MGMT: variants seen among roughly 807,000 people sequenced by gnomAD.
MGMT encodes the protein O-6-methylguanine-DNA methyltransferase.
Under a neutral mutation model 15.9 loss-of-function variants are expected in MGMT, and 14 were observed. The observed-to-expected ratio is 0.88, with a 90% CI of 0.58 to 1.37. MGMT has a LOEUF of 1.37. Ranked by LOEUF, MGMT falls within the 40% of genes most tolerant of loss-of-function variation. The pLI is 0.00. For missense variants in MGMT, 282 were observed against 268.1 expected (o/e 1.05, Z -0.36); for synonymous variants, 130 against 118.2 (o/e 1.10, Z -0.65).
chr10:129,642,210 T>TGGGCGGGC (rs545069643), intron 2 of MGMT, among the ~76,000 whole-genome samples: 1 of 150,724 alleles, frequency 6.6e-6, no homozygotes, highest in Non-Finnish European at 1.5e-5. Flanking sequence ...ACCCCGCACC[T>TGGGCGGGC]GGGCGGGCGG....
At chr10:129,475,570 C>T (rs1049403757) in intron 1 of MGMT, among the ~76,000 whole-genome samples, 22 of 152,306 alleles carry the variant, frequency 1.4e-4, no homozygotes, top group African/African-American at 5.3e-4. Flanking sequence ...CAGAAAAATT[C>T]GTTTCTGTCA....
At chr10:129,526,171 G>C (rs1197968813) in intron 1 of MGMT, among the ~76,000 whole-genome samples, 1 of 152,204 alleles carries the variant, frequency 6.6e-6, no homozygotes, top group East Asian at 1.9e-4. Context: ...ACACCACGTG[G>C]CCAGGTTTAT....
intron 2 of MGMT, among the ~76,000 whole-genome samples, chr10:129,576,284 C>G (rs1266818163): frequency 3.3e-5 from 5 of 152,132 alleles, no homozygotes; most frequent in Non-Finnish European, 5.9e-5. Context: ...CAAAAATCCT[C>G]AATAAAATAC....
At chr10:129,508,979 AATAAT>A (rs200346380) in intron 1 of MGMT, among the ~76,000 whole-genome samples, 4,791 of 152,296 alleles carry the variant, frequency 0.031, 116 homozygotes, top group South Asian at 0.066. Context: ...ATTTGAAAGA[AATAAT>A]AAAATGAAAT....
intron 1 of MGMT, among the ~76,000 whole-genome samples, chr10:129,514,423 A>G (rs557767627): frequency 1.3e-5 from 2 of 152,304 alleles, no homozygotes; most frequent in East Asian, 1.9e-4. Context: ...TTTTATGTAT[A>G]TCTTTCCCCG....
intron 2 of MGMT, among the ~76,000 whole-genome samples, chr10:129,638,693 C>G (rs550467422): frequency 3.1e-4 from 47 of 151,912 alleles, no homozygotes; most frequent in Non-Finnish European, 5.9e-4. Flanking sequence ...AATATGAGGG[C>G]TTGGCAAAAC....
At chr10:129,548,601 G>A (rs754334127) in intron 2 of MGMT, among the ~76,000 whole-genome samples, 29 of 152,206 alleles carry the variant, frequency 1.9e-4, no homozygotes, top group African/African-American at 1.7e-4. Flanking sequence ...TTTTGAGACC[G>A]TGACACCCTT....
chr10:129,596,146 T>G (rs1846749121), intron 2 of MGMT, among the ~76,000 whole-genome samples: 1 of 151,776 alleles, frequency 6.6e-6, no homozygotes, highest in Admixed American at 6.6e-5. Context: ...CTAATTAAAT[T>G]TTGACATTAT....
intron 1 of MGMT, among the ~76,000 whole-genome samples, chr10:129,531,487 AG>A (rs1270414218): frequency 6.6e-6 from 1 of 151,822 alleles, no homozygotes; most frequent in Non-Finnish European, 1.5e-5. Flanking sequence ...TTTAGTCTGC[AG>A]GCATCCCCCC....
intron 2 of MGMT, among the ~76,000 whole-genome samples, chr10:129,614,141 C>G (rs1042642556): frequency 1.3e-5 from 2 of 152,142 alleles, no homozygotes; most frequent in African/African-American, 4.8e-5. Flanking sequence ...TCTACTGTCT[C>G]TATGAGTCTG....
intron 1 of MGMT, among the ~76,000 whole-genome samples, chr10:129,510,392 T>C (rs1003578889): frequency 7.2e-5 from 11 of 152,082 alleles, no homozygotes; most frequent in Non-Finnish European, 1.3e-4. Flanking sequence ...TGGGAGCACG[T>C]TGAGGGCCTG....
intron 1 of MGMT, among the ~76,000 whole-genome samples, chr10:129,473,473 A>G (rs1031619905): frequency 2.2e-4 from 34 of 152,142 alleles, no homozygotes; most frequent in African/African-American, 8.0e-4. Flanking sequence ...GCATATGAGG[A>G]ACCCGGGCCT....
intron 2 of MGMT, among the ~76,000 whole-genome samples, chr10:129,583,059 T>A (rs1010385729): frequency 6.6e-6 from 1 of 152,176 alleles, no homozygotes; most frequent in African/African-American, 2.4e-5. Flanking sequence ...AAATCTTATA[T>A]CTTTCTGATA....
Position 129,769,343 on chromosome 10 carries a change from C to T in MGMT, c.*2346C>T, listed in dbSNP as rs952568494. ...GGGTCGCCTAGAGCCGCTCTGCCTC[C>T]AAGCTGCAGCGCCGTTCGTGAAAAT... On this transcript the variant is annotated 3_prime_UTR_variant, in exon 5 of 5. Coordinates refer to ENST00000651593, the MANE Select transcript of MGMT (RefSeq NM_002412.5). The T allele has an allele frequency of 6.6e-6, 1 of 152,242 alleles. No individual in the cohort carries two copies. The highest frequency in any genetic ancestry group is 2.4e-5 in the African/African-American group (1 of 41,460). The allele number at this position is 152,242 out of a possible 1,614,324, so 9.4% of individuals were successfully genotyped here.
At chr10:129,666,669 A>G (rs184476538) in intron 2 of MGMT, among the ~76,000 whole-genome samples, 1 of 152,272 alleles carries the variant, frequency 6.6e-6, no homozygotes, top group East Asian at 1.9e-4. Flanking sequence ...AACTTTCTCT[A>G]ATAATACCTG....
At chr10:129,681,754 T>A (rs1349480798) in intron 2 of MGMT, among the ~76,000 whole-genome samples, 1 of 152,166 alleles carries the variant, frequency 6.6e-6, no homozygotes, top group African/African-American at 2.4e-5. Flanking sequence ...GTAGGACTTG[T>A]GTAGGTGCAG....
chr10:129,722,998 T>A (rs964419946), intron 3 of MGMT, among the ~76,000 whole-genome samples: 12 of 97,912 alleles, frequency 1.2e-4, no homozygotes, highest in Non-Finnish European at 1.8e-5. Flanking sequence ...AGAGGAAGAC[T>A]CTATCACAAA....
At chr10:129,682,474 A>G (rs1373227567) in intron 2 of MGMT, among the ~76,000 whole-genome samples, 1 of 151,928 alleles carries the variant, frequency 6.6e-6, no homozygotes. Context: ...GTTAACAGAG[A>G]CTGGGGACAG....
intron 2 of MGMT, among the ~76,000 whole-genome samples, chr10:129,653,570 A>G (rs113570509): frequency 0.048 from 7,240 of 152,326 alleles, 204 homozygotes; most frequent in Middle Eastern, 0.088. Context: ...CTGATCACCA[A>G]TGGAGTGGCC....
Sources: allele counts gnomAD v4.1 joint callset (sites outside exome capture counted in the v4.1 genomes callset), GRCh38; gene constraint gnomAD v4.1.1; transcripts MANE v1.5; gene names NCBI Gene and HGNC (gene_info 2026-07-23, HGNC 2026-07-21).